Variants in ANKRD30B observed in about 807,000 individuals in gnomAD.
The protein encoded by ANKRD30B is ankyrin repeat domain-containing protein 30B.
In ANKRD30B, 144 loss-of-function variants were observed where a neutral mutation model predicts 202.2. That is an observed-to-expected ratio of 0.71 (90% CI 0.62 to 0.82). The LOEUF (loss-of-function observed/expected upper bound fraction) is 0.82. Among genes scored for constraint, ANKRD30B ranks in the 40% least tolerant of loss-of-function variants. The pLI is 0.00. For missense variants in ANKRD30B, 1,487 were observed against 1,669.1 expected, an observed-to-expected ratio of 0.89 and a Z score of 1.90; for synonymous variants, 508 against 561.3, an observed-to-expected ratio of 0.91 and a Z score of 1.34.
At chr18:14,840,218 C>A (rs1971358872) in intron 36 of ANKRD30B, among the ~76,000 whole-genome samples, 1 of 152,076 alleles carries the variant, frequency 6.6e-6, no homozygotes, top group East Asian at 1.9e-4. Context: ...AAATGTGATG[C>A]TTGTCATTAT....
chr18:14,891,208 A>T, the ANKRD30B span, among the ~76,000 whole-genome samples: 1 of 152,142 alleles, frequency 6.6e-6, no homozygotes, highest in South Asian at 2.1e-4. Context: ...TGACTTAAAG[A>T]AAAAACTAAT....
intron 33 of ANKRD30B, among the ~76,000 whole-genome samples, chr18:14,831,181 G>GAAA (rs71305894): frequency 0.014 from 728 of 52,338 alleles, 60 homozygotes; most frequent in African/African-American, 0.052. Flanking sequence ...CTCCGTCTCG[G>GAAA]AAAAAAAAAA....
intron 33 of ANKRD30B, among the ~76,000 whole-genome samples, chr18:14,830,795 G>C (rs1223557717): frequency 6.6e-6 from 1 of 152,094 alleles, no homozygotes; most frequent in African/African-American, 2.4e-5. Context: ...AATTATATTG[G>C]CGGTCACTAT....
chr18:14,918,427 T>C, the ANKRD30B span, among the ~76,000 whole-genome samples: 6 of 152,182 alleles, frequency 3.9e-5, no homozygotes, highest in Non-Finnish European at 7.3e-5. Flanking sequence ...TAATATCTTA[T>C]AGGACATGAA....
At chr18:14,888,724 G>A in the ANKRD30B span, 3 of 866,324 alleles carry the variant, frequency 3.5e-6, no homozygotes, top group Non-Finnish European at 5.2e-6. Flanking sequence ...GCCATAGGAA[G>A]AACGTGGGCT....
At chr18:14,831,797 G>A (rs11875962) in intron 34 of ANKRD30B, among the ~76,000 whole-genome samples, 4 of 151,956 alleles carry the variant, frequency 2.6e-5, no homozygotes, top group Admixed American at 6.6e-5. Context: ...TCTGGTAAAG[G>A]TTTCTTTGCA....
chr18:14,826,693 T>TCTCTCA (rs762792279), intron 32 of ANKRD30B, among the ~76,000 whole-genome samples: 41 of 125,044 alleles, frequency 3.3e-4, no homozygotes, highest in African/African-American at 8.7e-4. Context: ...TCTCTCTCTC[T>TCTCTCA]CACACACACA....
At chr18:14,914,814 T>C in the ANKRD30B span, among the ~76,000 whole-genome samples, 1 of 152,166 alleles carries the variant, frequency 6.6e-6, no homozygotes. Context: ...TTTAGGTCTC[T>C]TGAAACATCC....
the ANKRD30B span, among the ~76,000 whole-genome samples, chr18:14,893,072 TA>T: frequency 6.6e-6 from 1 of 152,280 alleles, no homozygotes; most frequent in South Asian, 2.1e-4. Flanking sequence ...TTGACATATT[TA>T]AAAAACACCA....
chr18:14,887,907 AACTT>A, the ANKRD30B span, among the ~76,000 whole-genome samples: 13 of 151,802 alleles, frequency 8.6e-5, no homozygotes, highest in African/African-American at 3.1e-4. Flanking sequence ...ACTTGAAAAA[AACTT>A]AAAGATTTCT....
intron 34 of ANKRD30B, among the ~76,000 whole-genome samples, chr18:14,834,922 G>A (rs1200289147): frequency 1.3e-5 from 2 of 151,856 alleles, no homozygotes; most frequent in African/African-American, 4.8e-5. Flanking sequence ...AGTGAAATCT[G>A]TTTTAGGCCT....
At chr18:14,849,641 A>AT (rs1971801583) in intron 40 of ANKRD30B, among the ~76,000 whole-genome samples, 1 of 151,680 alleles carries the variant, frequency 6.6e-6, no homozygotes, top group African/African-American at 2.4e-5. Context: ...TTTGTTGAAA[A>AT]ATATATAATA....
At chr18:14,794,058 T>C (rs1210820749) in intron 16 of ANKRD30B, among the ~76,000 whole-genome samples, 1 of 152,164 alleles carries the variant, frequency 6.6e-6, no homozygotes, top group Non-Finnish European at 1.5e-5. Flanking sequence ...GTGAAGTAAT[T>C]AAAATGCAAG....
At chr18:14,900,894 A>G in the ANKRD30B span, among the ~76,000 whole-genome samples, 1 of 152,254 alleles carries the variant, frequency 6.6e-6, no homozygotes, top group African/African-American at 2.4e-5. Context: ...GGAAACTTCC[A>G]GATGTTTTTG....
At chr18:14,780,821 A>G (rs73959407) in intron 11 of ANKRD30B, among the ~76,000 whole-genome samples, 1 of 136,348 alleles carries the variant, frequency 7.3e-6, no homozygotes, top group Non-Finnish European at 1.6e-5. Flanking sequence ...TTTCAGGAGA[A>G]AAATATGCAT....
chr18:14,750,885 T>G (rs1913327468), intron 1 of ANKRD30B, among the ~76,000 whole-genome samples: 1 of 152,096 alleles, frequency 6.6e-6, no homozygotes, highest in Admixed American at 6.5e-5. Context: ...CATTTGCTAT[T>G]TGAGGATACT....
chr18:14,899,134 AT>A, the ANKRD30B span, among the ~76,000 whole-genome samples: 1 of 152,142 alleles, frequency 6.6e-6, no homozygotes, highest in Non-Finnish European at 1.5e-5. Flanking sequence ...CCTATCAAAA[AT>A]AAATTTTGTT....
Position 14,848,873 on chromosome 18 carries a change from A to G in ANKRD30B, c.3339A>G (p.Ile1113Met). The G allele has an allele frequency of 1.2e-6, 2 of 1,603,150 alleles. No individual in the cohort carries two copies. The highest frequency in any genetic ancestry group is 1.7e-6 in the Non-Finnish European group (2 of 1,175,760). The part of the protein sequence containing the change: ...LQKELSEAKE[I>M]KSQLENQKAK... Reference sequence around the variant, plus strand: ...AGGAACTGTCAGAAGCGAAAGAAATAAAATCACAGTTAGAGAACCAAAAAG... The same window carrying G: ...AGGAACTGTCAGAAGCGAAAGAAATGAAATCACAGTTAGAGAACCAAAAAG... Residue 1113 changes from isoleucine (I) to methionine (M), a missense_variant, in exon 40 of 44, where the codon ATA becomes ATG. This residue lies in a region of ANKRD30B where 177 missense variants were observed against 216.4 expected (regional missense o/e 0.82). Transcript: ENST00000690538.
the ANKRD30B span, among the ~76,000 whole-genome samples, chr18:14,869,939 A>G: frequency 6.6e-6 from 1 of 151,144 alleles, no homozygotes; most frequent in South Asian, 2.1e-4. Context: ...GGTTCAAGCT[A>G]TTTCTCCTGC....
Sources: allele counts gnomAD v4.1 joint callset (sites outside exome capture counted in the v4.1 genomes callset), GRCh38; gene constraint gnomAD v4.1.1; regional missense constraint gnomAD v4.1.1; transcripts MANE v1.5; gene names NCBI Gene and HGNC (gene_info 2026-07-23, HGNC 2026-07-21).